The following PIK3C2G variants were observed in gnomAD, a reference collection of about 807,000 sequenced individuals.
PIK3C2G encodes the protein phosphatidylinositol-4-phosphate 3-kinase catalytic subunit type 2 gamma, also known as phosphatidylinositol 3-kinase C2 domain-containing subunit gamma.
In PIK3C2G, 168 loss-of-function variants were observed where a neutral mutation model predicts 181.1. That is an observed-to-expected ratio of 0.93 (90% CI 0.82 to 1.05). PIK3C2G has a LOEUF of 1.05. Among genes scored for constraint, PIK3C2G ranks in the 50% least tolerant of loss-of-function variants. The probability of loss-of-function intolerance (pLI) is 0.00; values close to 1 mark genes in which losing one functional copy is unlikely to be tolerated. For missense variants in PIK3C2G, 1,869 were observed against 1,732.8 expected (o/e 1.08, Z -1.40); for synonymous variants, 573 against 592.2 (o/e 0.97, Z 0.47).
At chr12:18,500,563 T>C (rs1941379321) in intron 22 of PIK3C2G, among the ~76,000 whole-genome samples, 1 of 152,150 alleles carries the variant, frequency 6.6e-6, no homozygotes, top group Non-Finnish European at 1.5e-5. Flanking sequence ...CAGCTCCACC[T>C]GCAGCCCCAA....
intron 18 of PIK3C2G, among the ~76,000 whole-genome samples, chr12:18,440,555 A>T (rs1432316054): frequency 6.6e-6 from 1 of 152,130 alleles, no homozygotes; most frequent in Non-Finnish European, 1.5e-5. Context: ...AAGAGAGTGA[A>T]CCGCCTATGT....
At chr12:18,266,013 T>TAA (rs61315448) in intron 1 of PIK3C2G, among the ~76,000 whole-genome samples, 824 of 61,754 alleles carry the variant, frequency 0.013, 60 homozygotes, top group Middle Eastern at 0.052. Flanking sequence ...AGACTTCATC[T>TAA]AAAAAAAAAA....
intron 1 of PIK3C2G, among the ~76,000 whole-genome samples, chr12:18,270,906 T>C (rs1462744771): frequency 6.6e-6 from 1 of 152,226 alleles, no homozygotes; most frequent in African/African-American, 2.4e-5. Flanking sequence ...AGAGTGACAG[T>C]ATCTCAATTT....
chr12:18,670,105 T>C, the PIK3C2G span, among the ~76,000 whole-genome samples: 1 of 152,148 alleles, frequency 6.6e-6, no homozygotes, highest in African/African-American at 2.4e-5. Context: ...AATATGAATT[T>C]GGGAATGTTT....
At chr12:18,719,464 A>G in the PIK3C2G span, 1 of 1,558,470 alleles carries the variant, frequency 6.4e-7, no homozygotes, top group Non-Finnish European at 8.7e-7. Context: ...TGGTCCCAAT[A>G]ATTGATCAGA....
intron 18 of PIK3C2G, among the ~76,000 whole-genome samples, chr12:18,462,380 G>C (rs1193273449): frequency 2.0e-5 from 3 of 151,956 alleles, no homozygotes; most frequent in Non-Finnish European, 4.4e-5. Context: ...ATGCACTTCA[G>C]AGCACCATAC....
chr12:18,546,352 T>A lies in PIK3C2G; in HGVS notation c.3510T>A (p.Ser1170Arg). Residue 1170 changes from serine (S) to arginine (R), a missense_variant, in exon 26 of 33, where the codon AGT becomes AGA. Coordinates refer to ENST00000538779, the MANE Select transcript of PIK3C2G (RefSeq NM_001288772.2). ...MMLYAGLPEL[S>R]GIQDLKYVYN... Reference sequence around the variant, plus strand: ...TGTATGCAGGACTGCCTGAGCTAAGTGGAATTCAAGACCTGAAATATGTGT... The same window carrying A: ...TGTATGCAGGACTGCCTGAGCTAAGAGGAATTCAAGACCTGAAATATGTGT... 1 of 1,598,878 alleles carries A rather than the reference T, an allele frequency of 6.3e-7. No individual in the cohort carries two copies. The highest frequency in any genetic ancestry group is 8.5e-7 in the Non-Finnish European group (1 of 1,171,144).
At chr12:18,409,377 T>A (rs1329882651) in intron 16 of PIK3C2G, among the ~76,000 whole-genome samples, 1 of 151,794 alleles carries the variant, frequency 6.6e-6, no homozygotes, top group Non-Finnish European at 1.5e-5. Context: ...GAGGGGAACA[T>A]CACACACCAG....
chr12:18,476,689 A>T (rs1592356756), intron 18 of PIK3C2G, among the ~76,000 whole-genome samples: 2 of 152,266 alleles, frequency 1.3e-5, no homozygotes, highest in East Asian at 3.9e-4. Context: ...AGGGCCAAGG[A>T]TAACAGCCTC....
chr12:18,579,700 T>G lies in PIK3C2G; in HGVS notation c.4011+12643T>G, dbSNP rs577577425. On this transcript the variant is annotated intron_variant, in intron 29 of 32. Transcript: ENST00000538779. ...TTTAGCTTCACTCTTTTCCTCAAAA[T>G]GGATTTAAGCTTTTTTTCTTTCAGT... Among the ~76,000 whole-genome samples, 11 of 152,330 alleles carry G rather than the reference T, an allele frequency of 7.2e-5. No individual in the cohort carries two copies. In the South Asian group the frequency reaches 8.3e-4, roughly 11 times the overall value.
At position 18,303,491 on chromosome 12, in the gene PIK3C2G, A is replaced by G. The variant is rs138610672; in HGVS notation, c.1034+9476A>G. 2.0e-4 allele frequency among the ~76,000 whole-genome samples: 30 copies of G among 151,990 alleles called. No individual in the cohort carries two copies. In the East Asian group the frequency reaches 5.8e-3, roughly 29 times the overall value. The stretch of plus-strand genomic sequence containing the variant: ...GCTGGGATTACAGGCACGCACCACC[A>G]CGCCTATCTAATTTCGAATTTTTAG... On this transcript the variant is annotated intron_variant, in intron 5 of 32. Transcript: ENST00000538779.
chr12:18,624,765 C>T (rs1949020781), intron 31 of PIK3C2G, among the ~76,000 whole-genome samples: 1 of 151,512 alleles, frequency 6.6e-6, no homozygotes, highest in African/African-American at 2.4e-5. Context: ...ATTCAGTCTT[C>T]ATAGGTATAT....
At chr12:18,511,761 A>G (rs966397297) in intron 24 of PIK3C2G, among the ~76,000 whole-genome samples, 4 of 151,984 alleles carry the variant, frequency 2.6e-5, no homozygotes, top group African/African-American at 4.8e-5. Context: ...CTCAGATTCT[A>G]TGGGCCATCT....
chr12:18,719,753 AATTAAT>A, the PIK3C2G span: 4 of 602,554 alleles, frequency 6.6e-6, no homozygotes, highest in East Asian at 6.2e-5. Context: ...ATTCCTTTAG[AATTAAT>A]ATTAATACTA....
At chr12:18,245,539 C>T (rs1172535530), upstream of PIK3C2G, among the ~76,000 whole-genome samples, 1 of 152,036 alleles carries the variant, frequency 6.6e-6, no homozygotes, top group Non-Finnish European at 1.5e-5. Flanking sequence ...ATAATGTCTT[C>T]CATTTTTCAA....
intron 25 of PIK3C2G, among the ~76,000 whole-genome samples, chr12:18,544,080 G>A (rs1306680033): frequency 6.6e-6 from 1 of 151,864 alleles, no homozygotes; most frequent in African/African-American, 2.4e-5. Context: ...GCTTCAAGGA[G>A]GAAGCTGAGC....
chr12:18,245,584 TATTA>T (rs1176549430), upstream of PIK3C2G, among the ~76,000 whole-genome samples: 2 of 152,150 alleles, frequency 1.3e-5, no homozygotes, highest in Non-Finnish European at 2.9e-5. Context: ...TTACACATTT[TATTA>T]ATTATCATTA....
At chr12:18,633,109 G>C (rs1352780167) in intron 31 of PIK3C2G, among the ~76,000 whole-genome samples, 2 of 152,224 alleles carry the variant, frequency 1.3e-5, no homozygotes, top group African/African-American at 4.8e-5. Context: ...CCAAAAACAT[G>C]CTAACGCCAT....
intron 1 of PIK3C2G, among the ~76,000 whole-genome samples, chr12:18,263,450 T>G (rs1231983346): frequency 6.6e-6 from 1 of 152,126 alleles, no homozygotes; most frequent in Non-Finnish European, 1.5e-5. Flanking sequence ...AGCTTGTTAA[T>G]TGTATATTTT....
Sources: allele counts gnomAD v4.1 joint callset (sites outside exome capture counted in the v4.1 genomes callset), GRCh38; gene constraint gnomAD v4.1.1; transcripts MANE v1.5; gene names NCBI Gene and HGNC (gene_info 2026-07-23, HGNC 2026-07-21).